LRPPRC: variants seen among roughly 807,000 people sequenced by gnomAD.
The protein encoded by LRPPRC is leucine-rich PPR motif-containing protein, mitochondrial.
A neutral mutation model predicts 180.3 loss-of-function variants in LRPPRC; 120 were observed. The observed-to-expected ratio is 0.67, with a 90% CI of 0.57 to 0.77. The LOEUF (loss-of-function observed/expected upper bound fraction) is 0.77, where lower values mean the gene tolerates loss of function less well. LRPPRC is among the 30% of genes least tolerant of loss of function. The probability of loss-of-function intolerance (pLI) is 0.00; values close to 1 mark genes in which losing one functional copy is unlikely to be tolerated. For synonymous variants in LRPPRC, 723 were observed against 600.0 expected (o/e 1.21, Z -3.00); for missense variants, 2,012 against 1,657.2 (o/e 1.21, Z -3.72).
intron 1 of LRPPRC, among the ~76,000 whole-genome samples, chr2:43,993,030 G>C (rs1347783459): frequency 6.6e-6 from 1 of 152,134 alleles, no homozygotes; most frequent in Non-Finnish European, 1.5e-5. Flanking sequence ...ACAGAAGCAA[G>C]AGGAATCAAG....
chr2:43,957,391 A>T lies in LRPPRC; in HGVS notation c.1643T>A (p.Phe548Tyr). 6.2e-7 allele frequency: 1 copy of T among 1,610,210 alleles called. No individual in the cohort carries two copies. Among genetic ancestry groups the T allele is most frequent in the African/African-American group, 1.3e-5 (1 of 74,958 alleles). Reference sequence around the variant, plus strand: ...TTTAAGTTGATCATCTTACCTCCTGAAGCCTAGCAGTAGGCTACTTCTTAT... The same window carrying T: ...TTTAAGTTGATCATCTTACCTCCTGTAGCCTAGCAGTAGGCTACTTCTTAT... ...QSIRSSLLLG[F>Y]RRSMNINLWS... The change falls in exon 14 of 38, where the codon TTC becomes TAC. Residue 548 changes from phenylalanine (F) to tyrosine (Y), a missense_variant. By Grantham distance (22) the Phe-to-Tyr change is conservative. Coordinates refer to ENST00000260665, the MANE Select transcript of LRPPRC (RefSeq NM_133259.4).
chr2:43,947,674 A>C (rs1672738908), intron 19 of LRPPRC, 57 bp downstream of exon 19: 1 of 986,776 alleles, frequency 1.0e-6, no homozygotes. Context: ...CACAATCCAG[A>C]ATACTCATTA....
rs1381842046 is a variant in LRPPRC, at chr2:43,905,747, G to A, written c.3309C>T (p.Asn1103=). The change falls in exon 31 of 38, where the codon AAC becomes AAT. Residue 1103 remains asparagine (N), a synonymous_variant. Transcript: ENST00000260665. ...AETHIKGFTL[N]DAANSRLIIT... ...TGATGAGGCGGCTGTTGGCAGCATC[G>A]TTCAGTGTGAAGCCCTTGATGTGGG... is the stretch of plus-strand genomic sequence containing the variant. 4 of 1,613,690 alleles carry A rather than the reference G, an allele frequency of 2.5e-6. No homozygotes were observed. The highest frequency in any genetic ancestry group is 2.2e-5 in the South Asian group (2 of 91,078).
intron 11 of LRPPRC, among the ~76,000 whole-genome samples, chr2:43,965,138 A>G (rs923162786): frequency 6.6e-6 from 1 of 152,148 alleles, no homozygotes; most frequent in African/African-American, 2.4e-5. Flanking sequence ...GGTAGCTGGG[A>G]TTAAAGGCGC....
chr2:43,898,717 T>C (rs1012752111), intron 34 of LRPPRC, among the ~76,000 whole-genome samples: 1 of 152,176 alleles, frequency 6.6e-6, no homozygotes, highest in Non-Finnish European at 1.5e-5. Context: ...AGAAAGCATA[T>C]TCAACTCTTA....
rs767636298 is a variant in LRPPRC at position 43,925,980 on chromosome 2, A to C, written c.2737-19T>G. Reference sequence around the variant, plus strand: ...CTGGAGTCTGTAAAATAAAATAATCACATAGCACCCAAGGTAAGGCTTCGG... The same window carrying C: ...CTGGAGTCTGTAAAATAAAATAATCCCATAGCACCCAAGGTAAGGCTTCGG... On this transcript the variant is annotated intron_variant, in intron 25 of 37. Coordinates refer to ENST00000260665, the MANE Select transcript of LRPPRC (RefSeq NM_133259.4). 33 of 1,454,380 alleles carry C rather than the reference A, an allele frequency of 2.3e-5. No individual in the cohort carries two copies. The highest frequency in any genetic ancestry group is 2.8e-5 in the African/African-American group (2 of 71,782). The allele number at this position is 1,454,380 out of a possible 1,614,324, so 90.1% of individuals were successfully genotyped here.
At chr2:43,920,600 T>C (rs1180868715) in intron 27 of LRPPRC, among the ~76,000 whole-genome samples, 1 of 152,142 alleles carries the variant, frequency 6.6e-6, no homozygotes, top group Non-Finnish European at 1.5e-5. Flanking sequence ...ATTAACTAAT[T>C]ACGCTTTTTC....
intron 26 of LRPPRC, 91 bp downstream of exon 26, chr2:43,925,802 C>T: frequency 1.2e-6 from 1 of 841,906 alleles, no homozygotes; most frequent in African/African-American, 1.7e-5. Flanking sequence ...TGCCCTGTCT[C>T]TCGAAGTCCC....
chr2:43,916,771 T>C (rs544360072), intron 29 of LRPPRC, among the ~76,000 whole-genome samples: 19 of 151,592 alleles, frequency 1.3e-4, no homozygotes, highest in Non-Finnish European at 2.2e-4. Flanking sequence ...CCGGGCAACA[T>C]AGCGAGACCT....
At chr2:43,892,891 C>A (rs950664785) in intron 36 of LRPPRC, 2 of 151,956 alleles carry the variant, frequency 1.3e-5, no homozygotes, top group Admixed American at 6.6e-5. Context: ...AAACTGAAAA[C>A]CTTCTGGGAA....
chr2:43,949,158 T>C (rs570572776), intron 16 of LRPPRC, among the ~76,000 whole-genome samples: 1 of 152,274 alleles, frequency 6.6e-6, no homozygotes, highest in African/African-American at 2.4e-5. Context: ...GAAAACTATA[T>C]AGTCTAGCTT....
rs2104989234 is a variant in LRPPRC, at chr2:43,899,258, C to G, written c.3786G>C (p.Val1262=). The G allele has an allele frequency of 1.3e-5, 21 of 1,614,060 alleles. No homozygotes were observed. Among genetic ancestry groups the G allele is most frequent in the Non-Finnish European group, 1.8e-5 (21 of 1,179,988 alleles). Residue 1262 remains valine, a synonymous_variant, in exon 34 of 38, where the codon GTG becomes GTC. Transcript: ENST00000260665. ...TGGCATCATCCACCTTGCCTGCATCCACAAGTTGAAGGAAAAAATCAGTGA... is the reference window on the plus strand; with the variant it reads ...TGGCATCATCCACCTTGCCTGCATCGACAAGTTGAAGGAAAAAATCAGTGA... ...KPVTDFFLQL[V]DAGKVDDARA...
chr2:43,932,685 G>C (rs1000733795), intron 25 of LRPPRC, among the ~76,000 whole-genome samples: 3 of 152,132 alleles, frequency 2.0e-5, no homozygotes, highest in African/African-American at 7.2e-5. Context: ...TAATATTATT[G>C]ATCACTTACC....
chr2:43,901,202 C>A (rs1670870272), intron 32 of LRPPRC, 118 bp downstream of exon 32: 1 of 730,412 alleles, frequency 1.4e-6, no homozygotes, highest in Non-Finnish European at 2.5e-6. Flanking sequence ...CTAGCATCAA[C>A]ATTTCCTCTG....
chr2:43,890,987 T>G (rs1347208190), intron 36 of LRPPRC, among the ~76,000 whole-genome samples: 1 of 152,172 alleles, frequency 6.6e-6, no homozygotes, highest in African/African-American at 2.4e-5. Context: ...CAACCGCAAC[T>G]CCGGCAGCAC....
chr2:43,920,078 TTAAAAAAAA>T, intron 27 of LRPPRC, among the ~76,000 whole-genome samples: 1 of 69,566 alleles, frequency 1.4e-5, no homozygotes, highest in Middle Eastern at 6.3e-3. Flanking sequence ...AATCAGCAAT[TTAAAAAAAA>T]AAAAAAAAAA....
chr2:43,947,347 T>C lies in LRPPRC; in HGVS notation c.1989A>G (p.Glu663=). 1.3e-6 allele frequency: 2 copies of C among 1,595,152 alleles called. No individual in the cohort carries two copies. Among genetic ancestry groups the C allele is most frequent in the East Asian group, 2.2e-5 (1 of 44,650 alleles). The change falls in exon 20 of 38, where the codon GAA becomes GAG. Residue 663 remains glutamate (E), a synonymous_variant. Transcript: ENST00000260665. Reference sequence around the variant, plus strand: ...TTAGTGTTTCAAGTGTGGACTCCAATTCAGATGATGTAAGTTGCACAGTCT... The same window carrying C: ...TTAGTGTTTCAAGTGTGGACTCCAACTCAGATGATGTAAGTTGCACAGTCT... ...FQKTVQLTSS[E]LESTLETLKA...
At chr2:43,990,030 T>C (rs1288757558) in intron 1 of LRPPRC, among the ~76,000 whole-genome samples, 2 of 151,928 alleles carry the variant, frequency 1.3e-5, no homozygotes, top group Admixed American at 6.6e-5. Context: ...CTGGCCAACA[T>C]GGCAATGGCA....
chr2:43,923,197 G>T (rs1034812431), intron 27 of LRPPRC, among the ~76,000 whole-genome samples: 38 of 98,734 alleles, frequency 3.8e-4, no homozygotes, highest in Non-Finnish European at 6.6e-4. Flanking sequence ...AAAAAAAAAA[G>T]GCCAGGCACA....
Sources: allele counts gnomAD v4.1 joint callset (sites outside exome capture counted in the v4.1 genomes callset), GRCh38; gene constraint gnomAD v4.1.1; transcripts MANE v1.5; gene names NCBI Gene and HGNC (gene_info 2026-07-23, HGNC 2026-07-21).